The following SLC24A2 variants were observed in gnomAD, a reference collection of about 807,000 sequenced individuals.
SLC24A2 encodes the protein solute carrier family 24 member 2, also known as sodium/potassium/calcium exchanger 2.
Under a neutral mutation model 62.0 loss-of-function variants are expected in SLC24A2, and 36 were observed. The ratio of observed to expected loss-of-function variants is 0.58; its 90% CI spans 0.44 to 0.77. The LOEUF is 0.77. SLC24A2 is among the 30% of genes least tolerant of loss of function. The probability of loss-of-function intolerance (pLI) is 0.00; values close to 1 mark genes in which losing one functional copy is unlikely to be tolerated. For missense variants in SLC24A2, 846 were observed against 817.9 expected, an observed-to-expected ratio of 1.03 and a Z score of -0.42; for synonymous variants, 358 against 294.0, an observed-to-expected ratio of 1.22 and a Z score of -2.23.
chr9:20,199,554 A>AGAG, the SLC24A2 span, among the ~76,000 whole-genome samples: 16 of 152,272 alleles, frequency 1.1e-4, no homozygotes, highest in African/African-American at 3.9e-4. Flanking sequence ...AATCTCTATT[A>AGAG]ACTAGAATTC....
At chr9:19,947,657 G>T in the SLC24A2 span, among the ~76,000 whole-genome samples, 1 of 151,608 alleles carries the variant, frequency 6.6e-6, no homozygotes, top group African/African-American at 2.4e-5. Context: ...CGGGCATGGT[G>T]GCGGGCACCT....
intron 2 of SLC24A2, among the ~76,000 whole-genome samples, chr9:19,636,845 C>T (rs778853155): frequency 2.0e-4 from 30 of 152,176 alleles, no homozygotes; most frequent in African/African-American, 7.0e-4. Context: ...TAGGAGGCAG[C>T]GGGAAGAGTG....
intron 2 of SLC24A2, among the ~76,000 whole-genome samples, chr9:19,662,731 C>T (rs1055221930): frequency 6.6e-6 from 1 of 152,150 alleles, no homozygotes; most frequent in Non-Finnish European, 1.5e-5. Flanking sequence ...AAAAGTAACA[C>T]CTGTTTTCAA....
At chr9:20,275,985 C>A in the SLC24A2 span, among the ~76,000 whole-genome samples, 1 of 152,122 alleles carries the variant, frequency 6.6e-6, no homozygotes, top group African/African-American at 2.4e-5. Flanking sequence ...TCCCATGACA[C>A]GTGGGGATTA....
the SLC24A2 span, among the ~76,000 whole-genome samples, chr9:19,818,260 A>C: frequency 1.2e-4 from 19 of 152,104 alleles, no homozygotes; most frequent in Admixed American, 1.0e-3. Context: ...AAGGTGCTTC[A>C]TGTTCTCACC....
intron 2 of SLC24A2, among the ~76,000 whole-genome samples, chr9:19,693,063 G>A (rs1370409665): frequency 2.0e-5 from 3 of 152,032 alleles, no homozygotes; most frequent in African/African-American, 7.2e-5. Flanking sequence ...ATCCATGAAA[G>A]TGTTGGTTTG....
the SLC24A2 span, among the ~76,000 whole-genome samples, chr9:20,180,603 G>A: frequency 6.6e-6 from 1 of 152,026 alleles, no homozygotes; most frequent in Non-Finnish European, 1.5e-5. Flanking sequence ...TATTGGCATG[G>A]CTGAATGATC....
the SLC24A2 span, among the ~76,000 whole-genome samples, chr9:20,051,657 C>CTCTTTTTTGTTTTTTTTTTTTT: frequency 1.4e-5 from 1 of 73,514 alleles, no homozygotes; most frequent in Non-Finnish European, 2.4e-5. Flanking sequence ...TTTTCTTTCT[C>CTCTTTTTTGTTTTTTTTTTTTT]TTTTTTTTTT....
At chr9:20,256,836 C>T in the SLC24A2 span, among the ~76,000 whole-genome samples, 9 of 151,774 alleles carry the variant, frequency 5.9e-5, no homozygotes, top group Non-Finnish European at 1.3e-4. Flanking sequence ...TTTGCTCCTG[C>T]CATGCCCATT....
the SLC24A2 span, among the ~76,000 whole-genome samples, chr9:20,081,065 T>C: frequency 1.3e-5 from 2 of 152,198 alleles, no homozygotes; most frequent in African/African-American, 4.8e-5. Flanking sequence ...TGGAAGTCAG[T>C]GTGGCGATTC....
chr9:19,557,978 G>A, intron 7 of SLC24A2, among the ~76,000 whole-genome samples: 1 of 151,798 alleles, frequency 6.6e-6, no homozygotes, highest in Non-Finnish European at 1.5e-5. Flanking sequence ...CACCACCATG[G>A]CTAATTTTTG....
the SLC24A2 span, among the ~76,000 whole-genome samples, chr9:20,105,364 G>A: frequency 6.6e-6 from 1 of 152,068 alleles, no homozygotes; most frequent in Non-Finnish European, 1.5e-5. Context: ...GACATCTACA[G>A]AACTCTCCAC....
At chr9:19,811,247 A>G in the SLC24A2 span, among the ~76,000 whole-genome samples, 3 of 152,204 alleles carry the variant, frequency 2.0e-5, no homozygotes, top group Non-Finnish European at 2.9e-5. Context: ...ACAGAGCCCA[A>G]ACATATTGGC....
the SLC24A2 span, among the ~76,000 whole-genome samples, chr9:20,134,454 G>C: frequency 6.6e-6 from 1 of 152,096 alleles, no homozygotes; most frequent in Non-Finnish European, 1.5e-5. Context: ...GAGTCTGAAG[G>C]CCTCACAGCA....
chr9:19,739,066 G>A (rs923118508), intron 2 of SLC24A2, among the ~76,000 whole-genome samples: 6 of 152,164 alleles, frequency 3.9e-5, no homozygotes, highest in South Asian at 2.1e-4. Context: ...GCAGTGAGCC[G>A]AGATCGTGCC....
intron 2 of SLC24A2, among the ~76,000 whole-genome samples, chr9:19,674,333 T>A (rs2118341828): frequency 6.6e-6 from 1 of 152,352 alleles, no homozygotes; most frequent in African/African-American, 2.4e-5. Context: ...GATAACTTGA[T>A]GACAATGTGC....
At chr9:19,841,592 G>A in the SLC24A2 span, among the ~76,000 whole-genome samples, 1 of 152,204 alleles carries the variant, frequency 6.6e-6, no homozygotes, top group East Asian at 1.9e-4. Context: ...TTTTTGGCCT[G>A]TTCTTTGAAA....
the SLC24A2 span, among the ~76,000 whole-genome samples, chr9:20,031,560 G>T: frequency 1.3e-5 from 2 of 151,918 alleles, no homozygotes; most frequent in Admixed American, 6.6e-5. Flanking sequence ...GTGAGAGAAG[G>T]ATGTACTTTT....
chr9:19,831,105 G>A, the SLC24A2 span, among the ~76,000 whole-genome samples: 1 of 152,130 alleles, frequency 6.6e-6, no homozygotes, highest in East Asian at 1.9e-4. Flanking sequence ...CCCATTCATG[G>A]GGGTTCTGCC....
Sources: gnomAD v4.1 joint callset for allele counts (sites outside exome capture counted in the v4.1 genomes callset) on GRCh38, gnomAD v4.1.1 for gene constraint, MANE v1.5 for transcripts, NCBI Gene and HGNC (gene_info 2026-07-23, HGNC 2026-07-21) for gene names.